Variants in AGPS observed in about 807,000 individuals in gnomAD.
The protein encoded by AGPS is alkylglycerone phosphate synthase, also known as alkyldihydroxyacetonephosphate synthase, peroxisomal.
A neutral mutation model predicts 90.7 loss-of-function variants in AGPS; 26 were observed. The observed-to-expected ratio is 0.29, with a 90% CI of 0.21 to 0.40. The LOEUF (loss-of-function observed/expected upper bound fraction) is 0.40, where lower values mean the gene tolerates loss of function less well. Among genes scored for constraint, AGPS ranks in the 10% least tolerant of loss-of-function variants. The pLI is 1.00. For synonymous variants in AGPS, 294 were observed against 285.3 expected, an observed-to-expected ratio of 1.03 and a Z score of -0.31; for missense variants, 540 against 816.1, an observed-to-expected ratio of 0.66 and a Z score of 4.12.
intron 1 of AGPS, among the ~76,000 whole-genome samples, chr2:177,415,877 G>A (rs998347327): frequency 6.6e-6 from 1 of 151,804 alleles, no homozygotes; most frequent in African/African-American, 2.4e-5. Flanking sequence ...AGGTAGCTTT[G>A]TGAGTTTTAT....
intron 9 of AGPS, among the ~76,000 whole-genome samples, chr2:177,464,301 G>C (rs975639196): frequency 6.6e-6 from 1 of 152,074 alleles, no homozygotes; most frequent in Non-Finnish European, 1.5e-5. Context: ...CTCTGAAGCT[G>C]TCTTAATTTA....
At chr2:177,397,256 C>G (rs1293401583) in intron 1 of AGPS, among the ~76,000 whole-genome samples, 1 of 152,016 alleles carries the variant, frequency 6.6e-6, no homozygotes. Context: ...TACTTCTATC[C>G]CGGAACATAT....
chr2:177,446,003 A>G (rs1011601344), intron 8 of AGPS, among the ~76,000 whole-genome samples: 13 of 151,954 alleles, frequency 8.6e-5, no homozygotes, highest in Admixed American at 6.6e-5. Context: ...AGAACCTGGC[A>G]TTTTTTTTGT....
At position 177,541,249 on chromosome 2, in the gene AGPS, T is replaced by C. The variant is rs2079232119; in HGVS notation, c.*3054T>C. 1 of 152,156 alleles carries C rather than the reference T, an allele frequency of 6.6e-6. No individual in the cohort carries two copies. Among genetic ancestry groups the C allele is most frequent in the African/African-American group, 2.4e-5 (1 of 41,462 alleles). 9.4% of individuals were successfully genotyped at this position (152,156 alleles called of 1,614,324 possible). A position where few individuals can be genotyped will look rare whatever the true frequency, so the allele number is the denominator to read the frequency against. On this transcript the variant is annotated 3_prime_UTR_variant, in exon 20 of 20. Coordinates refer to ENST00000264167, the MANE Select transcript of AGPS (RefSeq NM_003659.4). ...AAGGAAACCTTTTCCCCCACTAGAA[T>C]AGTCTATTAGTAACTGCTAAGTCCT...
chr2:177,511,118 A>G (rs1193310125), intron 16 of AGPS, among the ~76,000 whole-genome samples: 1 of 152,084 alleles, frequency 6.6e-6, no homozygotes, highest in Non-Finnish European at 1.5e-5. Context: ...GTTGTTGTTG[A>G]GATGGGATCT....
Position 177,541,171 on chromosome 2 carries a change from A to G in AGPS, c.*2976A>G, listed in dbSNP as rs1490689103. On this transcript the variant is annotated 3_prime_UTR_variant, in exon 20 of 20. Coordinates refer to ENST00000264167, the MANE Select transcript of AGPS (RefSeq NM_003659.4). Reference sequence around the variant, plus strand: ...GATGTATTTTGAAAACAAAATTGCAATAAAGGATGAGCTTCCATCGGTGTG... The same window carrying G: ...GATGTATTTTGAAAACAAAATTGCAGTAAAGGATGAGCTTCCATCGGTGTG... 6.6e-6 allele frequency: 1 copy of G among 152,144 alleles called. No homozygotes were observed. Among genetic ancestry groups the G allele is most frequent in the Non-Finnish European group, 1.5e-5 (1 of 68,014 alleles). The allele number at this position is 152,144 out of a possible 1,614,324, so 9.4% of individuals were successfully genotyped here.
chr2:177,393,094 C>G, intron 1 of AGPS, 45 bp downstream of exon 1: 1 of 1,550,124 alleles, frequency 6.5e-7, no homozygotes, highest in East Asian at 2.4e-5. Flanking sequence ...GGGACCAGGC[C>G]GGGCCTGTGC....
intron 13 of AGPS, among the ~76,000 whole-genome samples, chr2:177,499,087 A>G (rs868848497): frequency 2.8e-4 from 43 of 152,006 alleles, no homozygotes; most frequent in African/African-American, 9.9e-4. Flanking sequence ...TTGGGAGCAT[A>G]CGTCTTACTC....
At chr2:177,500,629 A>G (rs1186643064) in intron 14 of AGPS, among the ~76,000 whole-genome samples, 1 of 151,946 alleles carries the variant, frequency 6.6e-6, no homozygotes, top group Non-Finnish European at 1.5e-5. Context: ...AGTATTCTTA[A>G]AGGGGAAAAT....
At chr2:177,484,535 G>A (rs1316003587) in intron 11 of AGPS, among the ~76,000 whole-genome samples, 2 of 151,886 alleles carry the variant, frequency 1.3e-5, no homozygotes, top group Non-Finnish European at 1.5e-5. Context: ...TAGTGAAGAT[G>A]GGATTTTGCC....
At chr2:177,415,310 A>C (rs1685755554) in intron 1 of AGPS, among the ~76,000 whole-genome samples, 1 of 152,210 alleles carries the variant, frequency 6.6e-6, no homozygotes, top group Non-Finnish European at 1.5e-5. Context: ...ATATATACCC[A>C]GGAGTTGTAT....
intron 2 of AGPS, among the ~76,000 whole-genome samples, chr2:177,421,085 G>A (rs1216840037): frequency 1.3e-5 from 2 of 151,962 alleles, no homozygotes; most frequent in Non-Finnish European, 2.9e-5. Flanking sequence ...TCTAGATATG[G>A]TCAGAATTGT....
chr2:177,441,737 G>GA (rs1686608527), intron 6 of AGPS, among the ~76,000 whole-genome samples: 1 of 152,138 alleles, frequency 6.6e-6, no homozygotes, highest in Non-Finnish European at 1.5e-5. Flanking sequence ...TGGTGATTTA[G>GA]ATCTGGTTAA....
At chr2:177,441,115 CCTA>C (rs1559047526) in intron 6 of AGPS, 79 bp downstream of exon 6, 3 of 1,200,996 alleles carry the variant, frequency 2.5e-6, no homozygotes. Flanking sequence ...TTTGCGTCAC[CCTA>C]CTGAAAACAA....
intron 7 of AGPS, 30 bp downstream of exon 7, chr2:177,442,516 C>T (rs1198446138): frequency 6.6e-7 from 1 of 1,515,438 alleles, no homozygotes; most frequent in South Asian, 1.1e-5. Flanking sequence ...ATATTTAAAA[C>T]ATTTTCTTTA....
At position 177,543,675 on chromosome 2, in the gene AGPS, G is replaced by A. The variant is rs2079259633; in HGVS notation, c.*5480G>A. 1 of 152,232 alleles carries A rather than the reference G, an allele frequency of 6.6e-6. No individual in the cohort carries two copies. The highest frequency in any genetic ancestry group is 6.5e-5 in the Admixed American group (1 of 15,282). The allele number at this position is 152,232 out of a possible 1,614,324, so 9.4% of individuals were successfully genotyped here. On this transcript the variant is annotated 3_prime_UTR_variant, in exon 20 of 20. Transcript: ENST00000264167. ...TTGTCAATTCCGACTGAGCCATACT[G>A]TTTTCCACAAGGGCTCAACACATAG... is the stretch of plus-strand genomic sequence containing the variant.
At chr2:177,532,371 C>T (rs911951050) in intron 19 of AGPS, among the ~76,000 whole-genome samples, 10 of 152,106 alleles carry the variant, frequency 6.6e-5, no homozygotes, top group Admixed American at 2.0e-4. Flanking sequence ...TGTTCAACAT[C>T]GTTAGCTATT....
chr2:177,414,463 C>G (rs1430871768), intron 1 of AGPS, among the ~76,000 whole-genome samples: 3 of 152,098 alleles, frequency 2.0e-5, no homozygotes, highest in Non-Finnish European at 4.4e-5. Flanking sequence ...CCCACCTTGG[C>G]CTCCCAAAGT....
rs116002531 is a variant in AGPS at position 177,421,205 on chromosome 2, A to G, written c.350+847A>G. Among the ~76,000 whole-genome samples the G allele has an allele frequency of 7.3e-3, 1,106 of 152,154 alleles. 13 individuals are homozygous for G. Among genetic ancestry groups the G allele is most frequent in the African/African-American group, 0.025 (1,042 of 41,576 alleles). On this transcript the variant is annotated intron_variant, in intron 2 of 19. Transcript: ENST00000264167. ...GAAAGGGCAGTGAGTACAAATATGT[A>G]ATACTTAAATGCTGGAACCAAAAAT...
Sources: gnomAD v4.1 joint callset for allele counts (sites outside exome capture counted in the v4.1 genomes callset) on GRCh38, gnomAD v4.1.1 for gene constraint, MANE v1.5 for transcripts, NCBI Gene and HGNC (gene_info 2026-07-23, HGNC 2026-07-21) for gene names.